Variants in EYS observed in about 807,000 individuals in gnomAD.
The protein encoded by EYS is protein eyes shut homolog.
In EYS, 250 loss-of-function variants were observed where a neutral mutation model predicts 282.1. The ratio of observed to expected loss-of-function variants is 0.89; its 90% CI spans 0.80 to 0.98. The LOEUF is 0.98. Among genes scored for constraint, EYS ranks in the 50% least tolerant of loss-of-function variants. EYS has a pLI of 0.00. For synonymous variants in EYS, 1,355 were observed against 1,282.9 expected (o/e 1.06, Z -1.20); for missense variants, 4,016 against 3,709.0 (o/e 1.08, Z -2.15).
At chr6:64,515,009 T>C (rs1433747552) in intron 26 of EYS, among the ~76,000 whole-genome samples, 1 of 151,828 alleles carries the variant, frequency 6.6e-6, no homozygotes, top group African/African-American at 2.4e-5. Context: ...GTCATAATTT[T>C]TTTGTTGAAT....
intron 28 of EYS, among the ~76,000 whole-genome samples, chr6:64,410,813 C>T (rs908446165): frequency 6.6e-6 from 1 of 152,126 alleles, no homozygotes; most frequent in Non-Finnish European, 1.5e-5. Flanking sequence ...TGTCTATGTA[C>T]TCTCACCTAC....
chr6:65,295,807 A>G, intron 12 of EYS, 56 bp downstream of exon 12: 4 of 1,342,796 alleles, frequency 3.0e-6, no homozygotes, highest in Non-Finnish European at 4.1e-6. Context: ...TCAAATAAAT[A>G]TATTAACAAC....
intron 10 of EYS, among the ~76,000 whole-genome samples, chr6:65,337,916 GACTT>G (rs1220444216): frequency 2.7e-5 from 4 of 150,850 alleles, no homozygotes; most frequent in Admixed American, 1.3e-4. Flanking sequence ...GGAAAACACA[GACTT>G]ACTTCATATA....
chr6:64,276,863 T>C (rs981154261), intron 30 of EYS, among the ~76,000 whole-genome samples: 1 of 152,124 alleles, frequency 6.6e-6, no homozygotes, highest in African/African-American at 2.4e-5. Context: ...CAAGAGTGGA[T>C]TAACATCAGC....
intron 13 of EYS, among the ~76,000 whole-genome samples, chr6:65,006,445 A>G (rs1394811264): frequency 7.3e-6 from 1 of 136,292 alleles, no homozygotes; most frequent in African/African-American, 2.8e-5. Context: ...GTAGAAAAGT[A>G]ACTTTTAGAG....
chr6:64,081,839 A>T lies in EYS; in HGVS notation c.6571+17T>A. On this transcript the variant is annotated intron_variant, in intron 32 of 42. Transcript: ENST00000503581. Reference sequence around the variant, plus strand: ...AAAGAAACATGACATACAAGAAGTCAAACATTTAATACTCACTGTAAAGAA... The same window carrying T: ...AAAGAAACATGACATACAAGAAGTCTAACATTTAATACTCACTGTAAAGAA... The T allele has an allele frequency of 1.4e-6, 2 of 1,463,676 alleles. No individual in the cohort carries two copies. The highest frequency in any genetic ancestry group is 1.8e-6 in the Non-Finnish European group (2 of 1,090,406). 90.7% of individuals were successfully genotyped at this position (1,463,676 alleles called of 1,614,324 possible).
intron 35 of EYS, among the ~76,000 whole-genome samples, chr6:63,915,355 G>A (rs1764395332): frequency 6.6e-6 from 1 of 152,146 alleles, no homozygotes; most frequent in Non-Finnish European, 1.5e-5. Flanking sequence ...TAAGCTTACT[G>A]TTGAGACCTA....
At chr6:65,180,302 A>G (rs1765343297) in intron 12 of EYS, among the ~76,000 whole-genome samples, 1 of 151,966 alleles carries the variant, frequency 6.6e-6, no homozygotes, top group Non-Finnish European at 1.5e-5. Flanking sequence ...TATATCTAGA[A>G]AACCCCATGG....
intron 23 of EYS, among the ~76,000 whole-genome samples, chr6:64,620,908 A>G (rs1767425495): frequency 1.3e-5 from 2 of 152,232 alleles, no homozygotes; most frequent in African/African-American, 4.8e-5. Context: ...TGTCTGACAC[A>G]TAATATAAAG....
chr6:64,987,585 C>T (rs1470195498), intron 14 of EYS, among the ~76,000 whole-genome samples: 2 of 151,428 alleles, frequency 1.3e-5, no homozygotes, highest in Non-Finnish European at 3.0e-5. Context: ...CTGATACTTT[C>T]AGAGGTACAG....
chr6:65,036,678 A>C (rs1179342208), intron 13 of EYS, among the ~76,000 whole-genome samples: 1 of 151,894 alleles, frequency 6.6e-6, no homozygotes, highest in Non-Finnish European at 1.5e-5. Context: ...ATTTGTCAGA[A>C]GGTGACATAC....
intron 35 of EYS, among the ~76,000 whole-genome samples, chr6:63,970,886 G>T (rs1279653145): frequency 6.6e-6 from 1 of 152,090 alleles, no homozygotes; most frequent in Non-Finnish European, 1.5e-5. Flanking sequence ...CATGACTCCT[G>T]CAAATACAAT....
At chr6:63,736,181 A>G (rs1339440311) in intron 41 of EYS, among the ~76,000 whole-genome samples, 1 of 152,124 alleles carries the variant, frequency 6.6e-6, no homozygotes, top group East Asian at 1.9e-4. Context: ...CCTGAATGGT[A>G]TTGCCTAGGT....
At chr6:63,724,924 A>G (rs1486836968) in intron 42 of EYS, among the ~76,000 whole-genome samples, 1 of 152,152 alleles carries the variant, frequency 6.6e-6, no homozygotes, top group Non-Finnish European at 1.5e-5. Context: ...TAATGTTTAC[A>G]TCAGGCACAG....
At chr6:64,239,121 C>T (rs1279552629) in intron 30 of EYS, among the ~76,000 whole-genome samples, 5 of 152,086 alleles carry the variant, frequency 3.3e-5, no homozygotes, top group Admixed American at 1.3e-4. Flanking sequence ...CATTTTTGTA[C>T]ATGTGCCACA....
chr6:64,040,448 A>G (rs1562169221), intron 33 of EYS, among the ~76,000 whole-genome samples: 1 of 152,226 alleles, frequency 6.6e-6, no homozygotes, highest in Non-Finnish European at 1.5e-5. Context: ...ATGAGCTTTT[A>G]AAAACTGTTC....
At chr6:64,449,498 A>G in intron 26 of EYS, among the ~76,000 whole-genome samples, 1 of 152,162 alleles carries the variant, frequency 6.6e-6, no homozygotes, top group Non-Finnish European at 1.5e-5. Context: ...TTCAGGAAAT[A>G]CAGAGAATGC....
At chr6:64,813,213 C>T (rs945236881) in intron 22 of EYS, among the ~76,000 whole-genome samples, 165 bp downstream of exon 22, 1 of 151,832 alleles carries the variant, frequency 6.6e-6, no homozygotes, top group African/African-American at 2.4e-5. Flanking sequence ...AAAATATAAA[C>T]AATGACATTT....
intron 33 of EYS, among the ~76,000 whole-genome samples, chr6:64,015,426 C>T (rs993148408): frequency 6.6e-6 from 1 of 151,998 alleles, no homozygotes; most frequent in African/African-American, 2.4e-5. Context: ...AATCTATAAT[C>T]TGTGTTAATT....
Sources: gnomAD v4.1 joint callset for allele counts (sites outside exome capture counted in the v4.1 genomes callset) on GRCh38, gnomAD v4.1.1 for gene constraint, MANE v1.5 for transcripts, NCBI Gene and HGNC (gene_info 2026-07-23, HGNC 2026-07-21) for gene names.